The following PCNX2 variants were observed in gnomAD, a reference collection of about 807,000 sequenced individuals.
PCNX2 encodes the protein pecanex-like protein 2.
PCNX2 carries 168 observed loss-of-function variants against 223.8 expected under a neutral mutation model. That is an observed-to-expected ratio of 0.75 (90% CI 0.66 to 0.85). The LOEUF (loss-of-function observed/expected upper bound fraction) is 0.85, where lower values mean the gene tolerates loss of function less well. Among genes scored for constraint, PCNX2 ranks in the 40% least tolerant of loss-of-function variants. PCNX2 has a pLI of 0.00. For synonymous variants in PCNX2, 1,006 were observed against 1,052.6 expected (o/e 0.96, Z 0.86); for missense variants, 2,507 against 2,675.5 (o/e 0.94, Z 1.39).
intron 21 of PCNX2, among the ~76,000 whole-genome samples, chr1:233,096,661 A>T (rs1056733965): frequency 7.2e-5 from 11 of 152,204 alleles, no homozygotes; most frequent in African/African-American, 2.4e-4. Flanking sequence ...GAAAACTTCA[A>T]ATAGCATGCC....
Position 233,139,743 on chromosome 1 carries a change from T to TAAAAATGCATCAATAGTG in PCNX2, c.3612_3629dup (p.Phe1209_Leu1210insPheThrIleAspAlaPhe). ...TACCAAGTCTCCGGTGATTGCTTAT[T>TAAAAATGCATCAATAGTG]AAAAATGCATCAATAGTGAGGGCAT... On this transcript the variant is annotated inframe_insertion, in exon 20 of 34. Coordinates refer to ENST00000258229, the MANE Select transcript of PCNX2 (RefSeq NM_014801.4). This position sits in a 1 kb window ranked among gnomAD's most constrained non-coding sequence, Gnocchi z 4.4. The TAAAAATGCATCAATAGTG allele has an allele frequency of 6.2e-7, 1 of 1,608,340 alleles. No individual in the cohort carries two copies. The highest frequency in any genetic ancestry group is 8.5e-7 in the Non-Finnish European group (1 of 1,177,030).
chr1:233,182,001 C>T (rs1190689837), intron 15 of PCNX2, among the ~76,000 whole-genome samples: 1 of 152,192 alleles, frequency 6.6e-6, no homozygotes, highest in Non-Finnish European at 1.5e-5. Flanking sequence ...ACATTTCACT[C>T]CTGGTCATCA....
intron 17 of PCNX2, among the ~76,000 whole-genome samples, chr1:233,169,826 T>C (rs1204984165): frequency 6.6e-6 from 1 of 152,032 alleles, no homozygotes; most frequent in Non-Finnish European, 1.5e-5. Flanking sequence ...TCTCGCCTTC[T>C]GGAGGTTCCC....
At position 233,081,120 on chromosome 1, in the gene PCNX2, G is replaced by A. The variant is rs560988372; in HGVS notation, c.4076+8941C>T. ...TTCCAGCACTTTTGGAGGCCGAGGC[G>A]GGTGGATCACGAGGTCAGGAGTTCA... is the stretch of plus-strand genomic sequence containing the variant. On this transcript the variant is annotated intron_variant, in intron 23 of 33. Coordinates refer to ENST00000258229, the MANE Select transcript of PCNX2 (RefSeq NM_014801.4). Among the ~76,000 whole-genome samples the A allele has an allele frequency of 2.1e-3, 320 of 152,188 alleles. 1 individual carries two copies. The highest frequency in any genetic ancestry group is 6.7e-3 in the African/African-American group (280 of 41,520).
At chr1:233,108,315 T>G (rs960421625) in intron 21 of PCNX2, among the ~76,000 whole-genome samples, 2 of 152,130 alleles carry the variant, frequency 1.3e-5, no homozygotes, top group African/African-American at 4.8e-5. Context: ...TAGTCCAAAA[T>G]CTGAGGAGAG....
the PCNX2 span, among the ~76,000 whole-genome samples, chr1:233,307,477 G>A: frequency 6.6e-6 from 1 of 152,298 alleles, no homozygotes; most frequent in East Asian, 1.9e-4. Flanking sequence ...CTCCCCAGAA[G>A]CTGATGCTAG....
chr1:233,307,134 G>A, the PCNX2 span, among the ~76,000 whole-genome samples: 20 of 152,320 alleles, frequency 1.3e-4, no homozygotes, highest in African/African-American at 4.8e-5. Flanking sequence ...AGAAGTTGAT[G>A]AAATTATGGT....
intron 12 of PCNX2, among the ~76,000 whole-genome samples, chr1:233,213,122 CA>C (rs1317622720): frequency 6.6e-6 from 1 of 152,172 alleles, no homozygotes; most frequent in Non-Finnish European, 1.5e-5. Context: ...TCAAGATCAT[CA>C]AAAACTATTA....
chr1:233,054,363 A>G lies in PCNX2; in HGVS notation c.4256T>C (p.Phe1419Ser). The G allele has an allele frequency of 6.2e-7, 1 of 1,613,940 alleles. No individual in the cohort carries two copies. The highest frequency in any genetic ancestry group is 8.5e-7 in the Non-Finnish European group (1 of 1,179,866). ...RWGNYSSGDC[F>S]ILASDDLNAF... Reference sequence around the variant, plus strand: ...ATTGAGGTCATCTGAAGCCAAAATAAAGCAATCGCCAGAGCTGTAGTTGCC... The same window carrying G: ...ATTGAGGTCATCTGAAGCCAAAATAGAGCAATCGCCAGAGCTGTAGTTGCC... Residue 1419 changes from phenylalanine (F) to serine (S), a missense_variant, in exon 25 of 34, where the codon TTT (phenylalanine) becomes TCT (serine). By Grantham distance (155) the Phe-to-Ser change is radical. This residue lies in a region of PCNX2 where 1,372 missense variants were observed against 1,509.4 expected (regional missense o/e 0.91). Coordinates refer to ENST00000258229, the MANE Select transcript of PCNX2 (RefSeq NM_014801.4).
At chr1:233,034,208 C>A (rs1012847586) in intron 25 of PCNX2, among the ~76,000 whole-genome samples, 7 of 152,046 alleles carry the variant, frequency 4.6e-5, no homozygotes, top group African/African-American at 1.7e-4. Flanking sequence ...GAGAATCCGT[C>A]CCAAAAACAA....
the PCNX2 span, among the ~76,000 whole-genome samples, chr1:233,317,781 T>G: frequency 6.6e-6 from 1 of 152,230 alleles, no homozygotes; most frequent in Non-Finnish European, 1.5e-5. Flanking sequence ...ACTAGTTAAA[T>G]GCTATGCTTT....
chr1:233,197,905 TTTTTG>T (rs1320382972), intron 15 of PCNX2, among the ~76,000 whole-genome samples: 1 of 152,252 alleles, frequency 6.6e-6, no homozygotes, highest in Non-Finnish European at 1.5e-5. Context: ...TTACATTTAA[TTTTTG>T]TTTTATCAAA....
chr1:233,054,339 T>C lies in PCNX2; in HGVS notation c.4280A>G (p.Asn1427Ser), dbSNP rs777372992. The C allele has an allele frequency of 5.6e-6, 9 of 1,613,764 alleles. No individual in the cohort carries two copies. The highest frequency in any genetic ancestry group is 1.3e-5 in the African/African-American group (1 of 74,898). ...DCFILASDDL[N>S]AFVHLIEIGN... ...AATTTCAATCAGGTGAACAAAGGCA[T>C]TGAGGTCATCTGAAGCCAAAATAAA... The change falls in exon 25 of 34, where the codon AAT becomes AGT. Residue 1427 changes from asparagine to serine, a missense_variant. By Grantham distance (46) the Asn-to-Ser change is conservative. Around this residue, in one of 3 missense-constraint regions of PCNX2, gnomAD observed 1,372 missense variants for 1,509.4 expected, o/e 0.91. Coordinates refer to ENST00000258229, the MANE Select transcript of PCNX2 (RefSeq NM_014801.4).
intron 9 of PCNX2, among the ~76,000 whole-genome samples, chr1:233,232,450 T>C (rs1046806671): frequency 2.6e-5 from 4 of 152,230 alleles, no homozygotes; most frequent in African/African-American, 9.6e-5. Flanking sequence ...ATTTTCAACT[T>C]ATGATGGATT....
At chr1:233,259,538 T>C (rs1659937271) in intron 4 of PCNX2, among the ~76,000 whole-genome samples, 194 bp from the exon 5 acceptor site, 1 of 152,326 alleles carries the variant, frequency 6.6e-6, no homozygotes, top group African/African-American at 2.4e-5. Context: ...ACATGTACCA[T>C]GGTGGTTTGG....
At chr1:233,326,392 G>C in the PCNX2 span, among the ~76,000 whole-genome samples, 1 of 151,622 alleles carries the variant, frequency 6.6e-6, no homozygotes, top group African/African-American at 2.4e-5. Flanking sequence ...TTATTTTTTG[G>C]GTTTTTAAAA....
intron 10 of PCNX2, among the ~76,000 whole-genome samples, chr1:233,222,034 A>G (rs180681341): frequency 1.3e-5 from 2 of 152,322 alleles, no homozygotes; most frequent in Admixed American, 1.3e-4. Context: ...AAGTTCAGTA[A>G]AATATACAAT....
At chr1:233,322,409 T>C in the PCNX2 span, among the ~76,000 whole-genome samples, 1 of 152,076 alleles carries the variant, frequency 6.6e-6, no homozygotes, top group Admixed American at 6.5e-5. Flanking sequence ...AAGCAACAAA[T>C]GATACATTTT....
chr1:233,277,738 G>C (rs1660988398), intron 1 of PCNX2, among the ~76,000 whole-genome samples: 1 of 152,146 alleles, frequency 6.6e-6, no homozygotes, highest in South Asian at 2.1e-4. Flanking sequence ...GACATGGAGG[G>C]GAGTGTGGAG....
Sources: allele counts gnomAD v4.1 joint callset (sites outside exome capture counted in the v4.1 genomes callset), GRCh38; gene constraint gnomAD v4.1.1; regional missense constraint gnomAD v4.1.1; non-coding constraint Gnocchi (gnomAD v3.1); transcripts MANE v1.5; gene names NCBI Gene and HGNC (gene_info 2026-07-23, HGNC 2026-07-21).